The following ANK3 variants were observed in gnomAD, a reference collection of about 807,000 sequenced individuals.
The protein encoded by ANK3 is ankyrin 3.
ANK3 carries 57 observed loss-of-function variants against 370.9 expected under a neutral mutation model. The observed-to-expected ratio is 0.15, with a 90% CI of 0.12 to 0.19. The LOEUF is 0.19. ANK3 is among the 10% of genes least tolerant of loss of function. ANK3 has a pLI of 1.00. For synonymous variants in ANK3, 1,929 were observed against 1,946.3 expected (o/e 0.99, Z 0.23); for missense variants, 4,439 against 5,302.1 (o/e 0.84, Z 5.06).
rs1246077341 is a variant in ANK3, at chr10:60,530,587, A to G, written c.96+84599T>C. Among the ~76,000 whole-genome samples the G allele has an allele frequency of 3.3e-5, 5 of 152,216 alleles. No individual in the cohort carries two copies. In the East Asian group the frequency reaches 5.8e-4, roughly 18 times the overall value. On this transcript the variant is annotated intron_variant, in intron 2 of 43. Transcript: ENST00000373827. ...GATTCTGAGAGTGGGCGCCTCTGTA[A>G]GTTTGTTGCCCTATGTGCCTTCCTC...
intron 23 of ANK3, among the ~76,000 whole-genome samples, chr10:60,146,246 G>T (rs1311181558): frequency 2.6e-5 from 4 of 152,168 alleles, no homozygotes; most frequent in African/African-American, 7.2e-5. Flanking sequence ...CTCTTTAAGA[G>T]ATGGAACAGA....
exon 2 of ANK3, chr10:60,615,201 T>C: frequency 6.6e-7 from 1 of 1,518,888 alleles, no homozygotes; most frequent in Non-Finnish European, 8.8e-7. Flanking sequence ...TAGAGCTTCG[T>C]GAATAATCTG....
In ANK3 at chr10:60,073,967, T is replaced by C. The variant is rs1465764831; in HGVS notation, c.6914A>G (p.His2305Arg). The C allele has an allele frequency of 6.2e-7, 1 of 1,614,078 alleles. No individual in the cohort carries two copies. The highest frequency in any genetic ancestry group is 1.1e-5 in the South Asian group (1 of 91,068). Residue 2305 changes from histidine (H) to arginine (R), a missense_variant, in exon 37 of 44, where the codon CAC becomes CGC. This residue lies in a region of ANK3 where 1,601 missense variants were observed against 1,731.7 expected (regional missense o/e 0.92). Coordinates refer to ENST00000280772, the MANE Select transcript of ANK3 (RefSeq NM_020987.5). ...EHKSAVSPDV[H>R]KSAAETSAQH... is the part of the protein sequence containing the mutation. ...GGCTGAGGTTTCAGCAGCAGACTTG[T>C]GAACATCTGGAGACACTGCCGACTT...
At chr10:60,587,458 A>G (rs2077848174) in intron 2 of ANK3, among the ~76,000 whole-genome samples, 1 of 152,156 alleles carries the variant, frequency 6.6e-6, no homozygotes, top group Admixed American at 6.5e-5. Flanking sequence ...TTCACCTCCA[A>G]AAACCTTGTA....
chr10:60,263,222 C>G (rs769542197), intron 6 of ANK3, among the ~76,000 whole-genome samples: 24 of 152,102 alleles, frequency 1.6e-4, no homozygotes, highest in Non-Finnish European at 2.5e-4. Context: ...ATATGGATTG[C>G]AGAAAGCTCA....
chr10:60,118,289 C>A (rs992854603), intron 25 of ANK3, among the ~76,000 whole-genome samples: 2 of 151,942 alleles, frequency 1.3e-5, no homozygotes, highest in Admixed American at 6.6e-5. Context: ...AAAAAATAGC[C>A]CTGAAGTCAA....
upstream of ANK3, among the ~76,000 whole-genome samples, chr10:60,393,265 C>T (rs1048482138): frequency 6.6e-6 from 1 of 152,168 alleles, no homozygotes; most frequent in African/African-American, 2.4e-5. Flanking sequence ...TTGGTGAGCA[C>T]AATTTGAAAG....
intron 1 of ANK3, among the ~76,000 whole-genome samples, chr10:60,715,889 T>C (rs1428944451): frequency 5.1e-4 from 5 of 9,770 alleles, no homozygotes; most frequent in African/African-American, 2.2e-3. Context: ...TTGACTGTAC[T>C]CCTTAACAAG....
intron 18 of ANK3, among the ~76,000 whole-genome samples, chr10:60,173,849 GC>G (rs1437205737): frequency 1.3e-5 from 2 of 152,122 alleles, no homozygotes; most frequent in African/African-American, 4.8e-5. Context: ...CCCCTGAGGG[GC>G]TATAAGTTCT....
chr10:60,508,096 A>G (rs995109726), intron 2 of ANK3: 5 of 152,158 alleles, frequency 3.3e-5, no homozygotes, highest in African/African-American at 1.2e-4. Flanking sequence ...GGGACTTCAG[A>G]CCATTCTTTC....
In ANK3 at chr10:60,072,254, T is replaced by C. The variant is rs369495151; in HGVS notation, c.8627A>G (p.His2876Arg). ...QKEKLSHVLV[H>R]DVRENHIGHP... ...ACCAATGTGATTCTCTCTTACATCATGAACAAGTACATGCGAAAGTTTTTC... is the reference window on the plus strand; with the variant it reads ...ACCAATGTGATTCTCTCTTACATCACGAACAAGTACATGCGAAAGTTTTTC... The change falls in exon 37 of 44, where the codon CAT becomes CGT. Residue 2876 changes from histidine to arginine, a missense_variant. Physicochemically the swap from His to Arg is conservative, Grantham distance 29. Around this residue, in one of 13 missense-constraint regions of ANK3, gnomAD observed 1,601 missense variants for 1,731.7 expected, o/e 0.92. Transcript: ENST00000280772. 8 of 1,614,124 alleles carry C rather than the reference T, an allele frequency of 5.0e-6. No individual in the cohort carries two copies. Among genetic ancestry groups the C allele is most frequent in the African/African-American group, 1.3e-5 (1 of 75,050 alleles).
rs986368110 is a variant in ANK3, at chr10:60,327,015, C to CA, written c.115-47377dup. Among the ~76,000 whole-genome samples, 8 of 143,052 alleles carry CA rather than the reference C, an allele frequency of 5.6e-5. 1 individual carries two copies. Among genetic ancestry groups the CA allele is most frequent in the African/African-American group, 1.6e-4 (6 of 36,798 alleles). The allele number at this position is 143,052 out of a possible 152,430, so 93.8% of individuals were successfully genotyped here. A position where few individuals can be genotyped will look rare whatever the true frequency, so the allele number is the denominator to read the frequency against. ...AGCCTGGGCGACCGAGACTCCGTCTCAAAAAAAAAAGTAAGCTCTCTTAAG... is the reference window on the plus strand; with the variant it reads ...AGCCTGGGCGACCGAGACTCCGTCTCAAAAAAAAAAAGTAAGCTCTCTTAAG... On this transcript the variant is annotated intron_variant, in intron 1 of 43. Transcript: ENST00000280772.
chr10:60,198,309 CAG>C, intron 14 of ANK3, 29 bp downstream of exon 14: 1 of 1,609,366 alleles, frequency 6.2e-7, no homozygotes, highest in Non-Finnish European at 8.5e-7. Context: ...TTTGGGGGGA[CAG>C]AGCAGGATTC....
chr10:60,171,183 T>G (rs919922429), intron 21 of ANK3, among the ~76,000 whole-genome samples: 1 of 152,196 alleles, frequency 6.6e-6, no homozygotes. Context: ...ATTTCTCTCT[T>G]AGACAAAGTA....
intron 1 of ANK3, among the ~76,000 whole-genome samples, chr10:60,658,041 T>G (rs2078889312): frequency 6.7e-6 from 1 of 150,248 alleles, no homozygotes. Flanking sequence ...GCTGTTTCCA[T>G]GGTGTATTAT....
intron 2 of ANK3, among the ~76,000 whole-genome samples, chr10:60,548,854 A>G (rs80064097): frequency 0.011 from 1,677 of 152,248 alleles, 37 homozygotes; most frequent in African/African-American, 0.038. Flanking sequence ...TCCCACTATT[A>G]TGGCTAGGAA....
chr10:60,731,415 C>T lies in ANK3; in HGVS notation c.57+1848G>A, dbSNP rs73274822. 3.5e-3 allele frequency among the ~76,000 whole-genome samples: 534 copies of T among 152,268 alleles called. 4 individuals carry two copies. Among genetic ancestry groups the T allele is most frequent in the African/African-American group, 0.012 (519 of 41,548 alleles). On this transcript the variant is annotated intron_variant, in intron 1 of 43. Transcript: ENST00000373827. ...ATCTGCTATGGAGTGTAACACATCA[C>T]TGTGAGATTATGAAACATATTTATT... is the stretch of plus-strand genomic sequence containing the variant.
chr10:60,069,009 A>C lies in ANK3; in HGVS notation c.11872T>G (p.Cys3958Gly), dbSNP rs779041475. The change falls in exon 37 of 44, where the codon TGT becomes GGT. Residue 3958 changes from cysteine to glycine, a missense_variant. Cys to Gly is a radical substitution (Grantham distance 159, BLOSUM62 -3). This residue lies in a region of ANK3 where 496 missense variants were observed against 529.3 expected (regional missense o/e 0.94). Transcript: ENST00000280772. ...GCAGTGGTGGTGGTGGTAGTGACACAGGTGGATCTTACCTTTACTGGCAAC... is the reference window on the plus strand; with the variant it reads ...GCAGTGGTGGTGGTGGTAGTGACACCGGTGGATCTTACCTTTACTGGCAAC... ...SKLPVKVRST[C>G]VTTTTTTATT... is the part of the protein sequence containing the mutation. 1 of 1,613,768 alleles carries C rather than the reference A, an allele frequency of 6.2e-7. No homozygotes were observed. The highest frequency in any genetic ancestry group is 1.1e-5 in the South Asian group (1 of 91,028).
intron 36 of ANK3, among the ~76,000 whole-genome samples, chr10:60,079,571 C>T (rs555654200): frequency 2.0e-5 from 3 of 152,222 alleles, no homozygotes; most frequent in African/African-American, 7.2e-5. Context: ...ATTTCCAGAC[C>T]TCCTTGAACT....
Sources: allele counts gnomAD v4.1 joint callset (sites outside exome capture counted in the v4.1 genomes callset), GRCh38; gene constraint gnomAD v4.1.1; regional missense constraint gnomAD v4.1.1; transcripts MANE v1.5; gene names NCBI Gene and HGNC (gene_info 2026-07-23, HGNC 2026-07-21).